Variants in ADARB2 observed in about 807,000 individuals in gnomAD.
The protein encoded by ADARB2 is adenosine deaminase RNA specific B2 (inactive), also known as inactive double-stranded RNA-specific editase B2.
ADARB2 carries 25 observed loss-of-function variants against 62.2 expected under a neutral mutation model. That is an observed-to-expected ratio of 0.40 (90% CI 0.29 to 0.56). ADARB2 has a LOEUF of 0.56. Among genes scored for constraint, ADARB2 ranks in the 20% least tolerant of loss-of-function variants. The pLI is 0.43. For synonymous variants in ADARB2, 572 were observed against 500.8 expected (o/e 1.14, Z -1.90); for missense variants, 1,071 against 1,077.4 (o/e 0.99, Z 0.08).
chr10:1,515,872 T>A (rs540991686), intron 1 of ADARB2, among the ~76,000 whole-genome samples: 2 of 152,374 alleles, frequency 1.3e-5, no homozygotes, highest in South Asian at 2.1e-4. Flanking sequence ...TTCTTCTTTG[T>A]GAGATTTAAG....
chr10:1,433,558 G>A (rs186432622), intron 1 of ADARB2, among the ~76,000 whole-genome samples: 53 of 152,226 alleles, frequency 3.5e-4, no homozygotes, highest in African/African-American at 1.3e-3. Flanking sequence ...CGGTGTTGAG[G>A]TTGTTGTTTG....
At chr10:1,266,102 C>T (rs1831196751) in intron 4 of ADARB2, among the ~76,000 whole-genome samples, 1 of 151,648 alleles carries the variant, frequency 6.6e-6, no homozygotes, top group Non-Finnish European at 1.5e-5. Flanking sequence ...CCCAGGCTCT[C>T]CCGGAAGACG....
intron 3 of ADARB2, among the ~76,000 whole-genome samples, chr10:1,355,952 GTGTATAAA>G (rs200578632): frequency 0.017 from 2,534 of 152,230 alleles, 32 homozygotes; most frequent in Non-Finnish European, 0.029. Flanking sequence ...TACATGTATA[GTGTATAAA>G]TGTATATCAT....
intron 1 of ADARB2, among the ~76,000 whole-genome samples, chr10:1,496,466 A>G (rs920678899): frequency 6.6e-6 from 1 of 151,946 alleles, no homozygotes; most frequent in Non-Finnish European, 1.5e-5. Flanking sequence ...CATTATCACC[A>G]CCATCATCAT....
chr10:1,333,238 C>G lies in ADARB2; in HGVS notation c.1077+29790G>C, dbSNP rs563699153. ...CCATAATTGCTTAGTTTGGAGTCAT[C>G]TGATGTTACACAATCTTTAGGCACC... On this transcript the variant is annotated intron_variant, in intron 3 of 9. Coordinates refer to ENST00000381312, the MANE Select transcript of ADARB2 (RefSeq NM_018702.4). 7.9e-5 allele frequency among the ~76,000 whole-genome samples: 12 copies of G among 152,334 alleles called. 1 individual carries two copies. The highest frequency in any genetic ancestry group is 2.9e-4 in the African/African-American group (12 of 41,580).
At chr10:1,640,320 A>G (rs1432815385) in intron 1 of ADARB2, among the ~76,000 whole-genome samples, 1 of 152,154 alleles carries the variant, frequency 6.6e-6, no homozygotes, top group East Asian at 1.9e-4. Flanking sequence ...CACACTAGGG[A>G]GGGAGGGGTA....
intron 4 of ADARB2, among the ~76,000 whole-genome samples, chr10:1,269,954 A>G (rs1831244045): frequency 1.3e-5 from 2 of 152,224 alleles, no homozygotes; most frequent in African/African-American, 4.8e-5. Context: ...TGGTATATTT[A>G]TATACTGGAT....
intron 3 of ADARB2, among the ~76,000 whole-genome samples, chr10:1,334,012 G>C (rs2131835244): frequency 6.6e-6 from 1 of 152,320 alleles, no homozygotes; most frequent in South Asian, 2.1e-4. Flanking sequence ...ACTCAGACAG[G>C]CCGGAACAAC....
At chr10:1,540,031 A>G (rs1350023405) in intron 1 of ADARB2, among the ~76,000 whole-genome samples, 1 of 152,184 alleles carries the variant, frequency 6.6e-6, no homozygotes, top group Non-Finnish European at 1.5e-5. Context: ...TTTACCCAGA[A>G]GGCAAGCTGA....
rs191117526 is a variant in ADARB2, at chr10:1,392,812, G to A, written c.101-13652C>T. On this transcript the variant is annotated intron_variant, in intron 1 of 9. Transcript: ENST00000381312. ...CTGAAAGCGTCCAGTTAAAACGGAG[G>A]TGGCCTGCGGTGTCAGCCACATGTT... is the stretch of plus-strand genomic sequence containing the variant. Among the ~76,000 whole-genome samples the A allele has an allele frequency of 2.3e-4, 35 of 152,288 alleles. No homozygotes were observed. The East Asian group carries it at 5.8e-3, about 25-fold the overall frequency.
At chr10:1,263,387 C>T (rs1419906720) in intron 4 of ADARB2, among the ~76,000 whole-genome samples, 2 of 152,090 alleles carry the variant, frequency 1.3e-5, no homozygotes, top group Non-Finnish European at 2.9e-5. Context: ...ATGCTAGTGT[C>T]CTTTATTTTT....
chr10:1,347,771 C>G (rs940538829), intron 3 of ADARB2, among the ~76,000 whole-genome samples: 1 of 152,142 alleles, frequency 6.6e-6, no homozygotes, highest in Non-Finnish European at 1.5e-5. Context: ...CGCAGTGCAC[C>G]GAAGGCACCC....
intron 1 of ADARB2, among the ~76,000 whole-genome samples, chr10:1,720,471 T>C (rs193209315): frequency 6.6e-6 from 1 of 152,296 alleles, no homozygotes; most frequent in East Asian, 1.9e-4. Context: ...ACACCCAATT[T>C]ATTCAGGGAA....
chr10:1,606,198 G>A (rs1475603172), intron 1 of ADARB2, among the ~76,000 whole-genome samples: 1 of 152,200 alleles, frequency 6.6e-6, no homozygotes, highest in African/African-American at 2.4e-5. Context: ...TGGTGTCCCA[G>A]CACCTTTCTG....
chr10:1,326,016 C>T (rs149593860), intron 3 of ADARB2, among the ~76,000 whole-genome samples: 7 of 152,252 alleles, frequency 4.6e-5, no homozygotes, highest in South Asian at 2.1e-4. Flanking sequence ...GGAAACCATT[C>T]GAATCGAAGA....
chr10:1,229,778 C>G (rs892878593), intron 6 of ADARB2, among the ~76,000 whole-genome samples: 10 of 150,428 alleles, frequency 6.6e-5, no homozygotes, highest in African/African-American at 2.2e-4. Flanking sequence ...ATATGTGCTT[C>G]TGTGTACATG....
chr10:1,591,313 T>C (rs1049152180), intron 1 of ADARB2, among the ~76,000 whole-genome samples: 8 of 152,092 alleles, frequency 5.3e-5, no homozygotes, highest in Non-Finnish European at 1.5e-5. Context: ...GGGCGTGCCA[T>C]CCCCTTCCTT....
intron 1 of ADARB2, among the ~76,000 whole-genome samples, chr10:1,462,839 T>C (rs1181671236): frequency 6.6e-6 from 1 of 152,206 alleles, no homozygotes; most frequent in East Asian, 1.9e-4. Context: ...CATGTGTGTA[T>C]GTACATGTGT....
At chr10:1,484,841 G>A (rs1321506604) in intron 1 of ADARB2, among the ~76,000 whole-genome samples, 2 of 152,134 alleles carry the variant, frequency 1.3e-5, no homozygotes, top group Admixed American at 1.3e-4. Context: ...TGTGTATGTA[G>A]GCACCTATGT....
Sources: gnomAD v4.1 joint callset for allele counts (sites outside exome capture counted in the v4.1 genomes callset) on GRCh38, gnomAD v4.1.1 for gene constraint, MANE v1.5 for transcripts, NCBI Gene and HGNC (gene_info 2026-07-23, HGNC 2026-07-21) for gene names.